Variants in UBA6 observed in about 807,000 individuals in gnomAD.
UBA6 encodes the protein ubiquitin like modifier activating enzyme 6.
In UBA6, 87 loss-of-function variants were observed where a neutral mutation model predicts 148.3. The ratio of observed to expected loss-of-function variants is 0.59; its 90% CI spans 0.49 to 0.70. The LOEUF (loss-of-function observed/expected upper bound fraction) is 0.70, where lower values mean the gene tolerates loss of function less well. Among genes scored for constraint, UBA6 ranks in the 30% least tolerant of loss-of-function variants. The pLI is 0.00. For synonymous variants in UBA6, 376 were observed against 401.0 expected (o/e 0.94, Z 0.75); for missense variants, 1,186 against 1,241.2 (o/e 0.96, Z 0.67).
intron 2 of UBA6, among the ~76,000 whole-genome samples, chr4:67,687,039 T>G (rs529953250): frequency 6.9e-6 from 1 of 144,628 alleles, no homozygotes; most frequent in South Asian, 2.2e-4. Flanking sequence ...ACTATGTTTT[T>G]TTTTTTTTTT....
intron 2 of UBA6, among the ~76,000 whole-genome samples, chr4:67,694,732 A>G (rs1171990461): frequency 6.6e-6 from 1 of 152,206 alleles, no homozygotes; most frequent in African/African-American, 2.4e-5. Context: ...ACCTATATGT[A>G]GTCAGTAACT....
intron 13 of UBA6, among the ~76,000 whole-genome samples, chr4:67,651,293 C>T (rs1729548314): frequency 6.6e-6 from 1 of 152,182 alleles, no homozygotes; most frequent in South Asian, 2.1e-4. Context: ...CAGAAATGAT[C>T]CATTCTACCC....
chr4:67,685,817 G>A (rs1730543523), intron 2 of UBA6, among the ~76,000 whole-genome samples: 1 of 152,014 alleles, frequency 6.6e-6, no homozygotes, highest in Non-Finnish European at 1.5e-5. Context: ...CTTCCACCAT[G>A]GGACGATGCA....
chr4:67,657,631 CTA>C (rs956381919), intron 13 of UBA6, among the ~76,000 whole-genome samples: 4 of 152,004 alleles, frequency 2.6e-5, no homozygotes, highest in Non-Finnish European at 4.4e-5. Context: ...GACTTCATGA[CTA>C]AAACACCAAA....
At chr4:67,677,559 A>T in intron 6 of UBA6, 52 bp downstream of exon 6, 1 of 908,364 alleles carries the variant, frequency 1.1e-6, no homozygotes, top group Non-Finnish European at 1.7e-6. Context: ...AATATTTAAC[A>T]ATTTTGCCCT....
intron 25 of UBA6, among the ~76,000 whole-genome samples, 199 bp downstream of exon 25, chr4:67,631,509 A>G (rs867274220): frequency 7.2e-5 from 11 of 152,198 alleles, no homozygotes; most frequent in African/African-American, 2.7e-4. Flanking sequence ...TACCATGTAA[A>G]TGAATGGATT....
chr4:67,648,225 T>C (rs990365147), intron 14 of UBA6, among the ~76,000 whole-genome samples: 5 of 151,452 alleles, frequency 3.3e-5, no homozygotes, highest in African/African-American at 7.3e-5. Context: ...TCCCAGCACT[T>C]TGGGAGGCCG....
chr4:67,694,558 C>A (rs1560504557), intron 2 of UBA6, among the ~76,000 whole-genome samples: 1 of 151,860 alleles, frequency 6.6e-6, no homozygotes, highest in Non-Finnish European at 1.5e-5. Flanking sequence ...CCACCACACC[C>A]GGCTAATTTT....
At chr4:67,648,195 G>A (rs147033469) in intron 14 of UBA6, among the ~76,000 whole-genome samples, 1 of 151,600 alleles carries the variant, frequency 6.6e-6, no homozygotes, top group Admixed American at 6.6e-5. Context: ...TGAGCCGGGC[G>A]CAGTGGCTCA....
At chr4:67,646,126 A>C in intron 15 of UBA6, 110 bp from the exon 16 acceptor site, 1 of 542,942 alleles carries the variant, frequency 1.8e-6, no homozygotes, top group Admixed American at 3.7e-5. Context: ...ATTCTTTAAA[A>C]GTTTCCCCTA....
intron 2 of UBA6, among the ~76,000 whole-genome samples, chr4:67,682,449 G>A (rs1451862433): frequency 6.6e-6 from 1 of 152,140 alleles, no homozygotes; most frequent in African/African-American, 2.4e-5. Context: ...ACAGATGGAG[G>A]TGAGTAAGAG....
At position 67,647,775 on chromosome 4, in the gene UBA6, G is replaced by GTT. The variant is rs397878457; in HGVS notation, c.1249-986_1249-985dup. ...ATTAATTTCTATTATTTCTCATGGT[G>GTT]TTTTTTTTTTTTTTTTGAGACAGAG... On this transcript the variant is annotated intron_variant, in intron 14 of 32. Transcript: ENST00000322244. Among the ~76,000 whole-genome samples the GTT allele has an allele frequency of 5.9e-4, 79 of 133,190 alleles. 1 individual carries two copies. The highest frequency in any genetic ancestry group is 1.6e-3 in the African/African-American group (60 of 36,402). The allele number at this position is 133,190 out of a possible 152,430, so 87.4% of individuals were successfully genotyped here.
intron 32 of UBA6, among the ~76,000 whole-genome samples, chr4:67,620,896 T>G (rs965738804): frequency 4.6e-5 from 7 of 152,132 alleles, no homozygotes; most frequent in Admixed American, 2.6e-4. Flanking sequence ...TGAACCCAGG[T>G]CTTTCTAAAG....
chr4:67,679,291 T>G (rs1730368415), intron 4 of UBA6, among the ~76,000 whole-genome samples: 2 of 150,388 alleles, frequency 1.3e-5, no homozygotes, highest in South Asian at 4.3e-4. Flanking sequence ...AAAAAGACAG[T>G]AACCTAATAA....
chr4:67,687,426 TA>T (rs1240269020), intron 2 of UBA6, among the ~76,000 whole-genome samples: 3 of 152,210 alleles, frequency 2.0e-5, no homozygotes, highest in Non-Finnish European at 4.4e-5. Flanking sequence ...CCAGTTCATA[TA>T]AAAGTCAGGA....
At chr4:67,678,564 TC>T in intron 4 of UBA6, 31 bp from the exon 5 acceptor site, 1 of 1,370,762 alleles carries the variant, frequency 7.3e-7, no homozygotes, top group South Asian at 1.3e-5. Context: ...TTGGTTGAAG[TC>T]AGGAGTTCAA....
chr4:67,652,641 C>T (rs917156728), intron 13 of UBA6, among the ~76,000 whole-genome samples: 1 of 152,196 alleles, frequency 6.6e-6, no homozygotes, highest in Non-Finnish European at 1.5e-5. Flanking sequence ...GCATTTCCAA[C>T]TGAGGTATCT....
At chr4:67,692,851 G>C (rs1036569647) in intron 2 of UBA6, among the ~76,000 whole-genome samples, 4 of 152,134 alleles carry the variant, frequency 2.6e-5, no homozygotes, top group African/African-American at 9.7e-5. Flanking sequence ...TTAAAGTCTG[G>C]AAGATTATAC....
chr4:67,659,407 T>C (rs1327675253), intron 13 of UBA6, among the ~76,000 whole-genome samples: 1 of 152,072 alleles, frequency 6.6e-6, no homozygotes, highest in Non-Finnish European at 1.5e-5. Flanking sequence ...GTTCTGATGA[T>C]AGTGAGTTTC....
Sources: gnomAD v4.1 joint callset for allele counts (sites outside exome capture counted in the v4.1 genomes callset) on GRCh38, gnomAD v4.1.1 for gene constraint, MANE v1.5 for transcripts, NCBI Gene and HGNC (gene_info 2026-07-23, HGNC 2026-07-21) for gene names.